Variants in SPAG16 observed in about 807,000 individuals in gnomAD.
SPAG16 encodes sperm associated antigen 16.
SPAG16 carries 86 observed loss-of-function variants against 80.4 expected under a neutral mutation model. The observed-to-expected ratio is 1.07, with a 90% CI of 0.90 to 1.28. The LOEUF (loss-of-function observed/expected upper bound fraction) is 1.28. Ranked by LOEUF, SPAG16 falls within the 50% of genes most tolerant of loss-of-function variation. The probability of loss-of-function intolerance (pLI) is 0.00; values close to 1 mark genes in which losing one functional copy is unlikely to be tolerated. For synonymous variants in SPAG16, 294 were observed against 265.9 expected, an observed-to-expected ratio of 1.11 and a Z score of -1.03; for missense variants, 870 against 765.3, an observed-to-expected ratio of 1.14 and a Z score of -1.61.
chr2:214,257,289 A>G (rs535344975), intron 15 of SPAG16, among the ~76,000 whole-genome samples: 8 of 152,046 alleles, frequency 5.3e-5, no homozygotes, highest in African/African-American at 1.7e-4. Flanking sequence ...TGTGTTGTCA[A>G]GTTCTTAGGA....
intron 2 of SPAG16, 149 bp from the exon 3 acceptor site, chr2:213,297,112 AT>A: frequency 2.0e-6 from 3 of 1,478,810 alleles, no homozygotes; most frequent in African/African-American, 2.8e-5. Context: ...GCAGTTATTC[AT>A]TTTTCATGGA....
intron 10 of SPAG16, among the ~76,000 whole-genome samples, chr2:213,495,228 C>T (rs1464681402): frequency 6.6e-6 from 1 of 152,154 alleles, no homozygotes. Flanking sequence ...CTAAAAATGA[C>T]CAAAGGCAGT....
At chr2:214,039,799 A>G (rs1030329621) in intron 13 of SPAG16, among the ~76,000 whole-genome samples, 1 of 152,230 alleles carries the variant, frequency 6.6e-6, no homozygotes. Flanking sequence ...TTTAATACAC[A>G]TGAAGCTGGC....
At chr2:214,064,275 T>A (rs893512661) in intron 13 of SPAG16, among the ~76,000 whole-genome samples, 1 of 152,132 alleles carries the variant, frequency 6.6e-6, no homozygotes, top group African/African-American at 2.4e-5. Flanking sequence ...TCATAGTTTT[T>A]AATTATACTT....
intron 10 of SPAG16, among the ~76,000 whole-genome samples, chr2:213,768,766 T>C (rs1422835370): frequency 2.0e-5 from 3 of 152,174 alleles, no homozygotes; most frequent in African/African-American, 7.2e-5. Context: ...GCTATAAATT[T>C]GTAAATCATC....
chr2:213,315,434 C>T (rs2063359735), intron 4 of SPAG16, among the ~76,000 whole-genome samples: 2 of 151,864 alleles, frequency 1.3e-5, no homozygotes, highest in African/African-American at 4.8e-5. Flanking sequence ...TTGTAATCGT[C>T]CCGCTTTTAC....
intron 9 of SPAG16, among the ~76,000 whole-genome samples, chr2:213,457,614 T>C (rs1165594692): frequency 6.6e-6 from 1 of 152,174 alleles, no homozygotes; most frequent in South Asian, 2.1e-4. Context: ...ATTAAAATCT[T>C]TGTGTATTAT....
chr2:213,350,938 A>G (rs1336801980), intron 7 of SPAG16, among the ~76,000 whole-genome samples: 2 of 151,412 alleles, frequency 1.3e-5, no homozygotes, highest in East Asian at 3.9e-4. Context: ...AGCCTGGCCA[A>G]TATGGTGAAA....
At chr2:213,893,139 A>G (rs1014067750) in intron 11 of SPAG16, among the ~76,000 whole-genome samples, 6 of 152,176 alleles carry the variant, frequency 3.9e-5, no homozygotes, top group Non-Finnish European at 8.8e-5. Context: ...ACAAGCCAGG[A>G]AAGAGTAGAA....
intron 3 of SPAG16, among the ~76,000 whole-genome samples, chr2:213,305,746 G>C (rs370448137): frequency 6.6e-6 from 1 of 152,084 alleles, no homozygotes. Flanking sequence ...ATGTGTTGTT[G>C]AATTAAATTG....
chr2:213,882,956 T>C (rs1029848274), intron 11 of SPAG16, among the ~76,000 whole-genome samples: 5 of 152,226 alleles, frequency 3.3e-5, no homozygotes, highest in African/African-American at 1.2e-4. Flanking sequence ...CACTGCAAGC[T>C]CCGCCTCCCA....
At chr2:213,583,525 G>C (rs1002662411) in intron 10 of SPAG16, among the ~76,000 whole-genome samples, 1 of 152,186 alleles carries the variant, frequency 6.6e-6, no homozygotes, top group Admixed American at 6.5e-5. Context: ...TGTGTATAAT[G>C]CTTCATATAC....
Position 213,720,471 on chromosome 2 carries a change from CAAA to C in SPAG16, c.1071-141999_1071-141997del, listed in dbSNP as rs57358797. Among the ~76,000 whole-genome samples the C allele has an allele frequency of 1.2e-3, 157 of 135,654 alleles. 1 individual carries two copies. The highest frequency in any genetic ancestry group is 2.0e-3 in the East Asian group (9 of 4,482). The allele number at this position is 135,654 out of a possible 152,430, so 89.0% of individuals were successfully genotyped here. On this transcript the variant is annotated intron_variant, in intron 10 of 15. Transcript: ENST00000331683. ...TGAAACCCCATCTCTACTAAAAATA[CAAA>C]AAAAAAAAAAAAAATTAGCTGGGCA...
At chr2:214,138,325 G>A (rs1337235938) in intron 14 of SPAG16, among the ~76,000 whole-genome samples, 2 of 152,080 alleles carry the variant, frequency 1.3e-5, no homozygotes, top group African/African-American at 4.8e-5. Context: ...ATTTGGGGGA[G>A]ATTATTTATT....
At chr2:213,593,409 A>G (rs2060775132) in intron 10 of SPAG16, among the ~76,000 whole-genome samples, 1 of 152,210 alleles carries the variant, frequency 6.6e-6, no homozygotes, top group South Asian at 2.1e-4. Flanking sequence ...TTTCCATCCC[A>G]TCATCTATGT....
At chr2:213,545,632 A>G (rs2076587953) in intron 10 of SPAG16, among the ~76,000 whole-genome samples, 1 of 151,926 alleles carries the variant, frequency 6.6e-6, no homozygotes, top group South Asian at 2.1e-4. Context: ...GAATCTTTGC[A>G]GTTTTTTCTG....
intron 15 of SPAG16, among the ~76,000 whole-genome samples, chr2:214,228,943 A>G (rs1005626236): frequency 6.6e-6 from 1 of 151,882 alleles, no homozygotes; most frequent in African/African-American, 2.4e-5. Flanking sequence ...TAACAAACTC[A>G]TAATTTTCAG....
chr2:214,095,739 C>G (rs1211156120), intron 13 of SPAG16, among the ~76,000 whole-genome samples: 4 of 151,920 alleles, frequency 2.6e-5, no homozygotes, highest in East Asian at 1.9e-4. Context: ...CATAAAGTTT[C>G]AGTTATGCAA....
At chr2:213,908,422 G>C (rs1308080719) in intron 11 of SPAG16, among the ~76,000 whole-genome samples, 1 of 152,180 alleles carries the variant, frequency 6.6e-6, no homozygotes. Context: ...AATATTCTTA[G>C]AGCTTTCTTG....
Sources: gnomAD v4.1 joint callset for allele counts (sites outside exome capture counted in the v4.1 genomes callset) on GRCh38, gnomAD v4.1.1 for gene constraint, MANE v1.5 for transcripts, NCBI Gene and HGNC (gene_info 2026-07-23, HGNC 2026-07-21) for gene names.